DLGAP4: variants seen among roughly 807,000 people sequenced by gnomAD.
The protein encoded by DLGAP4 is disks large-associated protein 4.
DLGAP4 carries 18 observed loss-of-function variants against 86.9 expected under a neutral mutation model. That is an observed-to-expected ratio of 0.21 (90% confidence interval 0.14 to 0.31). DLGAP4 has a LOEUF of 0.31. Among genes scored for constraint, DLGAP4 ranks in the 10% least tolerant of loss-of-function variants. The probability of loss-of-function intolerance (pLI) is 1.00; values close to 1 mark genes in which losing one functional copy is unlikely to be tolerated. For synonymous variants in DLGAP4, 548 were observed against 574.3 expected (o/e 0.95, Z 0.65); for missense variants, 1,085 against 1,362.6 (o/e 0.80, Z 3.21).
intron 10 of DLGAP4, among the ~76,000 whole-genome samples, chr20:36,515,429 C>T (rs1244865306): frequency 6.6e-6 from 1 of 152,118 alleles, no homozygotes; most frequent in African/African-American, 2.4e-5. Context: ...TTAATCATGT[C>T]TCTTGTAATC....
At chr20:36,471,884 G>C (rs1409749787) in intron 7 of DLGAP4, among the ~76,000 whole-genome samples, 1 of 152,114 alleles carries the variant, frequency 6.6e-6, no homozygotes, top group Non-Finnish European at 1.5e-5. Flanking sequence ...GCTTTTGTTG[G>C]AAGAACATAC....
chr20:36,468,726 G>A (rs1298564218), intron 7 of DLGAP4, among the ~76,000 whole-genome samples: 2 of 152,256 alleles, frequency 1.3e-5, no homozygotes, highest in Admixed American at 1.3e-4. Context: ...AATTGTAACT[G>A]TAACCGTGTT....
In DLGAP4 at chr20:36,528,096, C is replaced by T. The variant is rs895709372; in HGVS notation, c.*1065C>T. On this transcript the variant is annotated 3_prime_UTR_variant, in exon 13 of 13. Coordinates refer to ENST00000339266, the MANE Select transcript of DLGAP4 (RefSeq NM_001365621.2). ...CATGTACTATATCTAGGTGTGTGTA[C>T]AAGTGTGTGTAAAAATATATACCTT... 2 of 151,990 alleles carry T rather than the reference C, an allele frequency of 1.3e-5. No individual in the cohort carries two copies. The highest frequency in any genetic ancestry group is 4.8e-5 in the African/African-American group (2 of 41,266). 9.4% of individuals were successfully genotyped at this position (151,990 alleles called of 1,614,324 possible).
chr20:36,461,782 C>T (rs2034086977), intron 7 of DLGAP4: 9 of 960,296 alleles, frequency 9.4e-6, no homozygotes, highest in Non-Finnish European at 1.1e-5. Flanking sequence ...CGCTTCCGTC[C>T]TGTCCAGCCG....
intron 2 of DLGAP4, among the ~76,000 whole-genome samples, chr20:36,382,528 T>A (rs1306500337): frequency 1.2e-5 from 1 of 82,816 alleles, no homozygotes; most frequent in Non-Finnish European, 2.3e-5. Flanking sequence ...TCTTTTTTTC[T>A]TTTTTTTTTT....
chr20:36,382,527 C>CTTTTTTTTTTTTT lies in DLGAP4; in HGVS notation c.-73+15260_-73+15272dup, dbSNP rs749210064. On this transcript the variant is annotated intron_variant, in intron 2 of 12. Transcript: ENST00000339266. ...CTTTTCTTTCTTTCTTTCTTTTTTT[C>CTTTTTTTTTTTTT]TTTTTTTTTTTTTTTTTTTTGAGAC... Among the ~76,000 whole-genome samples, 101 of 110,472 alleles carry CTTTTTTTTTTTTT rather than the reference C, an allele frequency of 9.1e-4. 1 individual carries two copies. Among genetic ancestry groups the CTTTTTTTTTTTTT allele is most frequent in the Non-Finnish European group, 1.1e-3 (61 of 55,472 alleles). 72.5% of individuals were successfully genotyped at this position (110,472 alleles called of 152,430 possible). A position where few individuals can be genotyped will look rare whatever the true frequency, so the allele number is the denominator to read the frequency against.
chr20:36,320,105 C>T (rs1283679605), intron 1 of DLGAP4, among the ~76,000 whole-genome samples: 3 of 146,984 alleles, frequency 2.0e-5, no homozygotes, highest in Admixed American at 6.7e-5. Flanking sequence ...CCCTCTGTGT[C>T]GCATTCCCCT....
At chr20:36,462,586 G>A in intron 7 of DLGAP4, 1 of 1,598,248 alleles carries the variant, frequency 6.3e-7, no homozygotes, top group Non-Finnish European at 8.5e-7. Flanking sequence ...TGTGTCTGGA[G>A]CTCTTGAAGC....
chr20:36,394,709 C>A (rs2031895196), intron 2 of DLGAP4, among the ~76,000 whole-genome samples: 1 of 151,600 alleles, frequency 6.6e-6, no homozygotes. Context: ...CTCCCAGCCT[C>A]TCCATGACCC....
intron 1 of DLGAP4, among the ~76,000 whole-genome samples, chr20:36,307,488 G>A (rs2065015434): frequency 6.6e-6 from 1 of 152,208 alleles, no homozygotes. Flanking sequence ...TTGCAGAGAG[G>A]GGCTGTCAGA....
chr20:36,444,502 C>A, intron 6 of DLGAP4, among the ~76,000 whole-genome samples: 1 of 152,014 alleles, frequency 6.6e-6, no homozygotes, highest in East Asian at 1.9e-4. Context: ...TCTCAAACTC[C>A]CGAACACAAG....
At chr20:36,429,814 C>T (rs148789344) in intron 2 of DLGAP4, among the ~76,000 whole-genome samples, 148 of 152,218 alleles carry the variant, frequency 9.7e-4, no homozygotes, top group Non-Finnish European at 1.7e-3. Context: ...AATAACCACA[C>T]CTGCCAAGTT....
At chr20:36,395,057 A>G (rs2147470832) in intron 2 of DLGAP4, among the ~76,000 whole-genome samples, 1 of 152,074 alleles carries the variant, frequency 6.6e-6, no homozygotes, top group Admixed American at 6.5e-5. Context: ...TCCTTGCACC[A>G]GTCCCTTCAC....
At chr20:36,361,296 T>C (rs2030512190) in intron 1 of DLGAP4, among the ~76,000 whole-genome samples, 1 of 152,166 alleles carries the variant, frequency 6.6e-6, no homozygotes, top group Non-Finnish European at 1.5e-5. Context: ...AGCTAAAAGG[T>C]TCTGTGTAAA....
chr20:36,499,368 T>G, intron 8 of DLGAP4: 1 of 958,604 alleles, frequency 1.0e-6, no homozygotes, highest in Non-Finnish European at 1.3e-6. Context: ...CCCGCCCACC[T>G]GCCCGCCCGC....
At chr20:36,446,443 C>T (rs1260074864) in intron 6 of DLGAP4, among the ~76,000 whole-genome samples, 1 of 152,168 alleles carries the variant, frequency 6.6e-6, no homozygotes, top group African/African-American at 2.4e-5. Context: ...TGATTTTTAT[C>T]ACAGTTAATA....
Position 36,525,935 on chromosome 20 carries a change from A to G in DLGAP4, c.2689A>G (p.Met897Val). The change falls in exon 12 of 13, where the codon ATG becomes GTG. Residue 897 changes from methionine to valine, a missense_variant. Around this residue, in one of 2 missense-constraint regions of DLGAP4, gnomAD observed 1,082 missense variants for 1,344.1 expected, o/e 0.81. Transcript: ENST00000339266. ...LLQLSIEDIS[M>V]KFDELYHLKA... ...ACAGCTGTCCATCGAGGATATCAGCATGAAGTTCGATGAACTCTACCACCT... is the reference window on the plus strand; with the variant it reads ...ACAGCTGTCCATCGAGGATATCAGCGTGAAGTTCGATGAACTCTACCACCT... 8 of 1,613,942 alleles carry G rather than the reference A, an allele frequency of 5.0e-6. No homozygotes were observed. Among genetic ancestry groups the G allele is most frequent in the Non-Finnish European group, 6.8e-6 (8 of 1,179,970 alleles).
At position 36,393,716 on chromosome 20, in the gene DLGAP4, C is replaced by T. The variant is rs2031857215; in HGVS notation, c.-73+26441C>T. On this transcript the variant is annotated intron_variant, in intron 2 of 12. Coordinates refer to ENST00000339266, the MANE Select transcript of DLGAP4 (RefSeq NM_001365621.2). This position sits in a 1 kb window ranked among gnomAD's most constrained non-coding sequence, Gnocchi z 4.4. ...GAAGGAAAGGGGGGCTCTGTGCCTG[C>T]ACCCTTTGTGGCACTTTAGCCATAT... is the stretch of plus-strand genomic sequence containing the variant. Among the ~76,000 whole-genome samples, 1 of 152,170 alleles carries T rather than the reference C, an allele frequency of 6.6e-6. No individual in the cohort carries two copies. The highest frequency in any genetic ancestry group is 6.5e-5 in the Admixed American group (1 of 15,272).
intron 6 of DLGAP4, among the ~76,000 whole-genome samples, chr20:36,443,989 C>T (rs915918240): frequency 2.0e-5 from 3 of 152,124 alleles, no homozygotes; most frequent in Admixed American, 6.6e-5. Flanking sequence ...TGTGAGGAAA[C>T]GATGGGCCAA....
Sources: gnomAD v4.1 joint callset for allele counts (sites outside exome capture counted in the v4.1 genomes callset) on GRCh38, gnomAD v4.1.1 for gene constraint, gnomAD v4.1.1 regional missense constraint, Gnocchi (gnomAD v3.1) non-coding constraint, MANE v1.5 for transcripts, NCBI Gene and HGNC (gene_info 2026-07-23, HGNC 2026-07-21) for gene names.